CA13: variants seen among roughly 807,000 people sequenced by gnomAD.
CA13 encodes the protein carbonic anhydrase 13, also known as CA-XIII.
Under a neutral mutation model 31.5 loss-of-function variants are expected in CA13, and 21 were observed. That is an observed-to-expected ratio of 0.67 (90% CI 0.47 to 0.96). The LOEUF is 0.96. Among genes scored for constraint, CA13 ranks in the 40% least tolerant of loss-of-function variants. The pLI, the probability that CA13 is intolerant of heterozygous loss-of-function variation, is 0.00. For synonymous variants in CA13, 117 were observed against 111.4 expected (o/e 1.05, Z -0.32); for missense variants, 315 against 318.9 (o/e 0.99, Z 0.09).
At chr8:85,255,822 C>T (rs1807284853) in intron 2 of CA13, among the ~76,000 whole-genome samples, 1 of 152,200 alleles carries the variant, frequency 6.6e-6, no homozygotes, top group African/African-American at 2.4e-5. Context: ...TTGGGAACCT[C>T]ACCTGAGGCC....
At chr8:85,272,047 A>G (rs953227184) in intron 6 of CA13, among the ~76,000 whole-genome samples, 4 of 152,114 alleles carry the variant, frequency 2.6e-5, no homozygotes, top group South Asian at 2.1e-4. Context: ...CAGCCTGGGT[A>G]ACAGAGCAAG....
At position 85,281,554 on chromosome 8, in the gene CA13, C is replaced by A; in HGVS notation, c.*205C>A. On this transcript the variant is annotated 3_prime_UTR_variant, in exon 7 of 7. Transcript: ENST00000321764. ...TAGTGATAGAGTCTCACTCTGTCAC[C>A]CAGGCTGGAGGGCAGTGGTACAGTC... is the stretch of plus-strand genomic sequence containing the variant. 1 of 1,213,526 alleles carries A rather than the reference C, an allele frequency of 8.2e-7. No individual in the cohort carries two copies. The highest frequency in any genetic ancestry group is 1.0e-6 in the Non-Finnish European group (1 of 953,876). 75.2% of individuals were successfully genotyped at this position (1,213,526 alleles called of 1,614,324 possible).
intron 6 of CA13, among the ~76,000 whole-genome samples, chr8:85,270,129 A>G (rs1232207265): frequency 6.6e-6 from 1 of 152,106 alleles, no homozygotes; most frequent in Non-Finnish European, 1.5e-5. Context: ...GTGCTTCTTC[A>G]TTGGTTTTGT....
intron 6 of CA13, among the ~76,000 whole-genome samples, chr8:85,273,984 C>T (rs965943146): frequency 6.6e-6 from 1 of 151,784 alleles, no homozygotes; most frequent in Non-Finnish European, 1.5e-5. Flanking sequence ...GCATAGTACC[C>T]GGACGGCCTC....
intron 3 of CA13, 48 bp downstream of exon 3, chr8:85,259,587 A>T (rs4739699): frequency 6.6e-7 from 1 of 1,523,404 alleles, no homozygotes; most frequent in Non-Finnish European, 9.1e-7. Context: ...CACATGGTGG[A>T]ATTTAAGGGG....
intron 6 of CA13, among the ~76,000 whole-genome samples, chr8:85,273,288 A>G (rs943065392): frequency 2.0e-4 from 30 of 152,318 alleles, no homozygotes; most frequent in African/African-American, 7.0e-4. Context: ...GCATTTATCT[A>G]GTGACCAATG....
At chr8:85,253,657 C>G (rs1160105441) in intron 2 of CA13, among the ~76,000 whole-genome samples, 5 of 152,128 alleles carry the variant, frequency 3.3e-5, no homozygotes, top group Admixed American at 2.6e-4. Context: ...AGGGACCTGG[C>G]CTTTTATATA....
chr8:85,276,414 G>T (rs865820534), intron 6 of CA13, among the ~76,000 whole-genome samples: 2 of 152,372 alleles, frequency 1.3e-5, no homozygotes, highest in South Asian at 2.1e-4. Flanking sequence ...GAGTGCGGGC[G>T]CATGGCGCTG....
At chr8:85,266,985 C>T (rs544716131) in intron 4 of CA13, among the ~76,000 whole-genome samples, 1 of 152,302 alleles carries the variant, frequency 6.6e-6, no homozygotes, top group South Asian at 2.1e-4. Flanking sequence ...AACATTTATT[C>T]TGGGCTCTTC....
rs2130028895 is a variant in CA13, at chr8:85,283,651, G to T, written c.*2302G>T. Reference sequence around the variant, plus strand: ...GTTTCTTTAGTTTGGAAAGACCTGTGAAGTATCCTAGTCAGGGAAAGAACC... The same window carrying T: ...GTTTCTTTAGTTTGGAAAGACCTGTTAAGTATCCTAGTCAGGGAAAGAACC... On this transcript the variant is annotated 3_prime_UTR_variant, in exon 7 of 7. Transcript: ENST00000321764. The T allele has an allele frequency of 6.5e-6, 1 of 152,724 alleles. No individual in the cohort carries two copies. Among genetic ancestry groups the T allele is most frequent in the East Asian group, 1.9e-4 (1 of 5,188 alleles). The allele number at this position is 152,724 out of a possible 1,614,324, so 9.5% of individuals were successfully genotyped here. A position where few individuals can be genotyped will look rare whatever the true frequency, so the allele number is the denominator to read the frequency against.
chr8:85,279,848 T>G (rs1807671805), intron 6 of CA13, among the ~76,000 whole-genome samples: 2 of 152,158 alleles, frequency 1.3e-5, no homozygotes, highest in Admixed American at 1.3e-4. Flanking sequence ...ATTTTATTAG[T>G]CTCTGCTATT....
chr8:85,258,464 G>A (rs1807331424), intron 2 of CA13, among the ~76,000 whole-genome samples: 1 of 152,020 alleles, frequency 6.6e-6, no homozygotes, highest in Admixed American at 6.6e-5. Flanking sequence ...TAGAATTTAA[G>A]GACAAAAGGT....
At chr8:85,274,613 G>A (rs1465190472) in intron 6 of CA13, among the ~76,000 whole-genome samples, 1 of 152,202 alleles carries the variant, frequency 6.6e-6, no homozygotes, top group African/African-American at 2.4e-5. Context: ...CTGCTAATAA[G>A]TAGTCTAGTG....
chr8:85,278,447 T>C (rs775642803), intron 6 of CA13, among the ~76,000 whole-genome samples: 13 of 152,012 alleles, frequency 8.6e-5, no homozygotes, highest in Non-Finnish European at 1.8e-4. Flanking sequence ...GTGGACATAA[T>C]AGATCCATCT....
intron 6 of CA13, among the ~76,000 whole-genome samples, chr8:85,278,867 C>A (rs555153236): frequency 6.6e-6 from 1 of 152,312 alleles, no homozygotes; most frequent in South Asian, 2.1e-4. Flanking sequence ...TTTATTGAAA[C>A]TTCTCAGCTA....
intron 1 of CA13, among the ~76,000 whole-genome samples, chr8:85,249,613 G>A (rs80125334): frequency 0.024 from 3,660 of 151,866 alleles, 150 homozygotes; most frequent in African/African-American, 0.084. Context: ...TTTGGTTGTC[G>A]TTAGTAACAG....
intron 2 of CA13, among the ~76,000 whole-genome samples, chr8:85,253,150 A>G (rs79804276): frequency 6.6e-6 from 1 of 151,826 alleles, no homozygotes; most frequent in Non-Finnish European, 1.5e-5. Context: ...TCTCCATGTT[A>G]ATCAGGCTGG....
chr8:85,277,863 TC>T, intron 6 of CA13, among the ~76,000 whole-genome samples: 1 of 152,086 alleles, frequency 6.6e-6, no homozygotes, highest in Admixed American at 6.6e-5. Flanking sequence ...AGGGTATGTG[TC>T]TCCCAGCCAG....
At chr8:85,279,739 G>A (rs190471500) in intron 6 of CA13, among the ~76,000 whole-genome samples, 38 of 152,310 alleles carry the variant, frequency 2.5e-4, no homozygotes, top group African/African-American at 8.2e-4. Context: ...TCAGGACTCA[G>A]AATTCCTGCA....
Sources: gnomAD v4.1 joint callset for allele counts (sites outside exome capture counted in the v4.1 genomes callset) on GRCh38, gnomAD v4.1.1 for gene constraint, MANE v1.5 for transcripts, NCBI Gene and HGNC (gene_info 2026-07-23, HGNC 2026-07-21) for gene names.